The following SUN1 variants were observed in gnomAD, a reference collection of about 807,000 sequenced individuals.
SUN1 encodes SUN domain-containing protein 1.
In SUN1, 61 loss-of-function variants were observed where a neutral mutation model predicts 103.2. The observed-to-expected ratio is 0.59, with a 90% confidence interval of 0.48 to 0.73. The LOEUF is 0.73. Among genes scored for constraint, SUN1 ranks in the 30% least tolerant of loss-of-function variants. The probability of loss-of-function intolerance (pLI) is 0.00; values close to 1 mark genes in which losing one functional copy is unlikely to be tolerated. For synonymous variants in SUN1, 490 were observed against 425.7 expected (o/e 1.15, Z -1.86); for missense variants, 1,052 against 1,034.6 (o/e 1.02, Z -0.23).
At chr7:864,898 G>A (rs535116355) in intron 15 of SUN1, among the ~76,000 whole-genome samples, 2 of 152,080 alleles carry the variant, frequency 1.3e-5, no homozygotes, top group East Asian at 3.9e-4. Flanking sequence ...CAAAGTACTG[G>A]GATTACAGGC....
chr7:828,805 A>G (rs1412298845), upstream of SUN1, among the ~76,000 whole-genome samples: 1 of 152,210 alleles, frequency 6.6e-6, no homozygotes, highest in Non-Finnish European at 1.5e-5. Flanking sequence ...ATCCTCCAGA[A>G]GCCATCTCGT....
chr7:864,288 C>T (rs1437889455), intron 15 of SUN1, among the ~76,000 whole-genome samples: 1 of 152,088 alleles, frequency 6.6e-6, no homozygotes, highest in Non-Finnish European at 1.5e-5. Context: ...TGGCTCATGC[C>T]TGTAATCCCA....
intron 1 of SUN1, among the ~76,000 whole-genome samples, chr7:837,575 G>A (rs1804689116): frequency 6.6e-6 from 1 of 152,188 alleles, no homozygotes; most frequent in East Asian, 1.9e-4. Context: ...GTTTTTGTCA[G>A]TCTTGTCTCC....
chr7:848,024 C>G (rs1043393524), intron 5 of SUN1, among the ~76,000 whole-genome samples: 4 of 151,194 alleles, frequency 2.6e-5, no homozygotes, highest in African/African-American at 9.7e-5. Flanking sequence ...CTGGGGGTTA[C>G]TCTGCAGTCC....
At chr7:837,794 C>T (rs1483134317) in intron 1 of SUN1, among the ~76,000 whole-genome samples, 4 of 152,218 alleles carry the variant, frequency 2.6e-5, no homozygotes, top group Non-Finnish European at 5.9e-5. Context: ...TCTGGGCATA[C>T]CTGTCTGTAG....
intron 17 of SUN1, among the ~76,000 whole-genome samples, chr7:872,055 G>A (rs905083164): frequency 2.6e-5 from 4 of 152,126 alleles, no homozygotes; most frequent in East Asian, 1.9e-4. Flanking sequence ...TCCCAAAGTC[G>A]GTCTTCTGTG....
chr7:853,002 C>T, intron 9 of SUN1, 50 bp downstream of exon 9: 1 of 1,565,750 alleles, frequency 6.4e-7, no homozygotes, highest in Non-Finnish European at 8.6e-7. Flanking sequence ...GTGAGGTCTT[C>T]AGGGACGTTC....
intron 18 of SUN1, 128 bp downstream of exon 18, chr7:872,690 G>A (rs1047634928): frequency 7.1e-6 from 5 of 706,150 alleles, no homozygotes; most frequent in East Asian, 2.7e-5. Context: ...GTTAACCTGC[G>A]CTTCCTGGCT....
intron 15 of SUN1, among the ~76,000 whole-genome samples, chr7:862,697 A>C (rs1046655541): frequency 6.6e-6 from 1 of 152,178 alleles, no homozygotes; most frequent in Non-Finnish European, 1.5e-5. Flanking sequence ...GTTTGTGTGT[A>C]CCTCAGAACA....
At chr7:819,362 TC>T (rs1783886282) in intron 1 of SUN1, among the ~76,000 whole-genome samples, 2 of 152,330 alleles carry the variant, frequency 1.3e-5, no homozygotes, top group Admixed American at 1.3e-4. Context: ...CTCTAATTTT[TC>T]TGTTTTTTCT....
rs1810486661 is a variant in SUN1, at chr7:841,988, T to C, written c.309T>C (p.Ser103=). Residue 103 remains serine, a synonymous_variant, in exon 3 of 19, where the codon AGT becomes AGC. Coordinates refer to ENST00000401592, the MANE Select transcript of SUN1 (RefSeq NM_001130965.3). ...QRRSTNKSAF[S]INHVSRQVTS... ...GAAGCACAAACAAATCAGCTTTTAG[T>C]ATCAACCACGTGTCAAGGCAGGTCA... The C allele has an allele frequency of 6.2e-7, 1 of 1,614,226 alleles. No individual in the cohort carries two copies.
At chr7:840,518 C>T (rs1808413557) in intron 2 of SUN1, among the ~76,000 whole-genome samples, 1 of 152,224 alleles carries the variant, frequency 6.6e-6, no homozygotes, top group Non-Finnish European at 1.5e-5. Context: ...GGATCTTGTT[C>T]ATCGTCCTGG....
intron 5 of SUN1, among the ~76,000 whole-genome samples, chr7:846,839 T>G (rs1182297819): frequency 6.6e-6 from 1 of 151,624 alleles, no homozygotes; most frequent in African/African-American, 2.4e-5. Flanking sequence ...ACAGTGAGAC[T>G]TCTTCTCAAC....
chr7:873,271 G>T lies in SUN1; in HGVS notation c.2298G>T (p.Trp766Cys). 1.2e-6 allele frequency: 2 copies of T among 1,614,200 alleles called. No homozygotes were observed. Among genetic ancestry groups the T allele is most frequent in the Non-Finnish European group, 1.7e-6 (2 of 1,180,036 alleles). Reference sequence around the variant, plus strand: ...TGGAACTTCGGATTTTTTCTAACTGGGGCCATCCTGAGTATACCTGTCTGT... The same window carrying T: ...TGGAACTTCGGATTTTTTCTAACTGTGGCCATCCTGAGTATACCTGTCTGT... The part of the protein sequence containing the change: ...QIVELRIFSN[W>C]GHPEYTCLYR... Residue 766 changes from tryptophan to cysteine, a missense_variant, in exon 19 of 19, where the codon TGG becomes TGT. Transcript: ENST00000401592.
chr7:826,690 G>A (rs547352281), intron 1 of SUN1, among the ~76,000 whole-genome samples: 1 of 152,326 alleles, frequency 6.6e-6, no homozygotes, highest in South Asian at 2.1e-4. Context: ...CGTGTGGGCA[G>A]GTTCCCCACG....
At chr7:839,447 C>T (rs1397928280) in intron 2 of SUN1, among the ~76,000 whole-genome samples, 1 of 152,234 alleles carries the variant, frequency 6.6e-6, no homozygotes, top group Non-Finnish European at 1.5e-5. Context: ...TGCAGTGGCA[C>T]GATCTCAGCT....
Position 854,982 on chromosome 7 carries a change from G to A in SUN1, c.1326G>A (p.Leu442=). 6.2e-7 allele frequency: 1 copy of A among 1,612,870 alleles called. No homozygotes were observed. Among genetic ancestry groups the A allele is most frequent in the Non-Finnish European group, 8.5e-7 (1 of 1,179,432 alleles). ...EVRMSHLEDI[L]GKLREKSEAI... is the part of the protein sequence containing the mutation. ...GTATGTCACACTTGGAAGATATTCTGGGAAAACTGAGAGAAAAATCTGAGG... is the reference window on the plus strand; with the variant it reads ...GTATGTCACACTTGGAAGATATTCTAGGAAAACTGAGAGAAAAATCTGAGG... Residue 442 remains leucine, a synonymous_variant, in exon 11 of 19, where the codon CTG becomes CTA. Coordinates refer to ENST00000401592, the MANE Select transcript of SUN1 (RefSeq NM_001130965.3).
At position 847,845 on chromosome 7, in the gene SUN1, C is replaced by T. The variant is rs571098477; in HGVS notation, c.659-3539C>T. Among the ~76,000 whole-genome samples the T allele has an allele frequency of 4.5e-3, 623 of 139,144 alleles. 14 individuals are homozygous for T. The highest frequency in any genetic ancestry group is 0.016 in the African/African-American group (577 of 35,622). The allele number at this position is 139,144 out of a possible 152,430, so 91.3% of individuals were successfully genotyped here. On this transcript the variant is annotated intron_variant, in intron 5 of 18. Transcript: ENST00000401592. Reference sequence around the variant, plus strand: ...CTGGGGGTTACCCCGCAGCGCCGTGCGCCAGCGGAGTTGGCGGCCTTCCCC... The same window carrying T: ...CTGGGGGTTACCCCGCAGCGCCGTGTGCCAGCGGAGTTGGCGGCCTTCCCC...
intron 5 of SUN1, chr7:851,165 A>G (rs748739271): frequency 7.9e-6 from 3 of 377,384 alleles, no homozygotes; most frequent in Non-Finnish European, 9.7e-6. Flanking sequence ...GTGAGTGAAA[A>G]CTATTAAAAA....
Sources: gnomAD v4.1 joint callset for allele counts (sites outside exome capture counted in the v4.1 genomes callset) on GRCh38, gnomAD v4.1.1 for gene constraint, MANE v1.5 for transcripts, NCBI Gene and HGNC (gene_info 2026-07-23, HGNC 2026-07-21) for gene names.